SYT13: variants seen among roughly 807,000 people sequenced by gnomAD.
SYT13 encodes the protein synaptotagmin-13.
A neutral mutation model predicts 38.6 loss-of-function variants in SYT13; 21 were observed. The observed-to-expected ratio is 0.54, with a 90% CI of 0.39 to 0.78. The LOEUF (loss-of-function observed/expected upper bound fraction) is 0.78, where lower values mean the gene tolerates loss of function less well. SYT13 is among the 30% of genes least tolerant of loss of function. SYT13 has a pLI of 0.00. For missense variants in SYT13, 495 were observed against 548.7 expected, an observed-to-expected ratio of 0.90 and a Z score of 0.98; for synonymous variants, 241 against 237.6, an observed-to-expected ratio of 1.01 and a Z score of -0.13.
chr11:45,248,920 A>C (rs1854643453), intron 4 of SYT13, among the ~76,000 whole-genome samples: 1 of 152,248 alleles, frequency 6.6e-6, no homozygotes, highest in South Asian at 2.1e-4. Flanking sequence ...TGCAGACTAA[A>C]GTAATCCTTT....
intron 1 of SYT13, among the ~76,000 whole-genome samples, 197 bp from the exon 2 acceptor site, chr11:45,256,088 G>T (rs1254059854): frequency 6.6e-6 from 1 of 152,106 alleles, no homozygotes; most frequent in Non-Finnish European, 1.5e-5. Flanking sequence ...CCACTGAGAT[G>T]TGGGCCTTGT....
At position 45,244,166 on chromosome 11, in the gene SYT13, C is replaced by T. The variant is rs376356915; in HGVS notation, c.1167G>A (p.Ala389=). The change falls in exon 6 of 6, where the codon GCG becomes GCA. Residue 389 remains alanine, a synonymous_variant. Coordinates refer to ENST00000020926, the MANE Select transcript of SYT13 (RefSeq NM_020826.3). ...LGQDDSGQSC[A]LGHCSLGLHT... is the part of the protein sequence containing the mutation. Reference sequence around the variant, plus strand: ...GCAGGCCCAGGCTGCAGTGGCCAAGCGCACAGCTCTGCCCTGAATCGTCCT... The same window carrying T: ...GCAGGCCCAGGCTGCAGTGGCCAAGTGCACAGCTCTGCCCTGAATCGTCCT... 9.9e-6 allele frequency: 16 copies of T among 1,613,884 alleles called. No homozygotes were observed. The African/African-American group carries it at 1.1e-4, about 11-fold the overall frequency.
At position 45,244,055 on chromosome 11, in the gene SYT13, C is replaced by T. The variant is rs1165543570; in HGVS notation, c.1278G>A (p.Leu426=). The part of the protein sequence containing the change: ...RQIAMWHQLH[L] ...AGGGAGGCAGCTGGGCAGCTGGTTACAGGTGCAGCTGGTGCCACATGGCAA... is the reference window on the plus strand; with the variant it reads ...AGGGAGGCAGCTGGGCAGCTGGTTATAGGTGCAGCTGGTGCCACATGGCAA... Residue 426 remains leucine (L), a synonymous_variant, in exon 6 of 6, where the codon CTG becomes CTA. Coordinates refer to ENST00000020926, the MANE Select transcript of SYT13 (RefSeq NM_020826.3). 6.3e-7 allele frequency: 1 copy of T among 1,595,036 alleles called. No individual in the cohort carries two copies. The highest frequency in any genetic ancestry group is 1.7e-5 in the Admixed American group (1 of 59,718).
At chr11:45,270,874 A>G (rs537034287) in intron 1 of SYT13, among the ~76,000 whole-genome samples, 7 of 152,366 alleles carry the variant, frequency 4.6e-5, no homozygotes, top group African/African-American at 1.7e-4. Flanking sequence ...TGTTTTAACT[A>G]GATTCTCCTT....
intron 1 of SYT13, among the ~76,000 whole-genome samples, chr11:45,279,295 G>A (rs1033591884): frequency 4.6e-5 from 7 of 152,152 alleles, no homozygotes; most frequent in Non-Finnish European, 7.3e-5. Flanking sequence ...AATTAATATG[G>A]TTATGGCCAT....
intron 2 of SYT13, 104 bp downstream of exon 2, chr11:45,255,562 G>T: frequency 8.9e-7 from 1 of 1,127,530 alleles, no homozygotes; most frequent in Non-Finnish European, 1.3e-6. Flanking sequence ...TCAAATGCCG[G>T]GGCACTCGGC....
chr11:45,257,116 C>T (rs112832383), intron 1 of SYT13, among the ~76,000 whole-genome samples: 3 of 152,262 alleles, frequency 2.0e-5, no homozygotes, highest in African/African-American at 4.8e-5. Context: ...TAGGCTAGGC[C>T]CTTTTCGCTT....
intron 4 of SYT13, among the ~76,000 whole-genome samples, chr11:45,248,707 C>T (rs1854640577): frequency 6.6e-6 from 1 of 152,200 alleles, no homozygotes; most frequent in Non-Finnish European, 1.5e-5. Context: ...TATTAGAGGG[C>T]CACAGGTAGC....
intron 2 of SYT13, among the ~76,000 whole-genome samples, chr11:45,255,200 G>C (rs1854729473): frequency 6.6e-6 from 1 of 152,086 alleles, no homozygotes; most frequent in Non-Finnish European, 1.5e-5. Flanking sequence ...GCCAGGCTCT[G>C]AATTAAGCAT....
intron 1 of SYT13, among the ~76,000 whole-genome samples, chr11:45,261,587 A>G (rs1854816941): frequency 8.3e-6 from 1 of 120,806 alleles, no homozygotes; most frequent in Non-Finnish European, 1.8e-5. Context: ...GTAGAGCGAG[A>G]CTCCGTCTAA....
chr11:45,246,619 A>G, intron 4 of SYT13, 107 bp from the exon 5 acceptor site: 1 of 1,463,622 alleles, frequency 6.8e-7, no homozygotes, highest in Non-Finnish European at 9.1e-7. Flanking sequence ...TCCAACACGC[A>G]TCCTTGAAAC....
intron 1 of SYT13, among the ~76,000 whole-genome samples, chr11:45,265,898 T>C (rs1590522541): frequency 6.6e-6 from 1 of 152,252 alleles, no homozygotes; most frequent in South Asian, 2.1e-4. Flanking sequence ...TCATCAGTGG[T>C]AATAGACATC....
Position 45,240,351 on chromosome 11 carries a change from G to T in SYT13, c.*3701C>A, listed in dbSNP as rs938184025. The stretch of plus-strand genomic sequence containing the variant: ...CACTGCAAGGTTTTTGCTCCAAAGT[G>T]TCACACCAGACATATGACTACAATG... On this transcript the variant is annotated 3_prime_UTR_variant, in exon 6 of 6. Transcript: ENST00000020926. 2 of 152,648 alleles carry T rather than the reference G, an allele frequency of 1.3e-5. No individual in the cohort carries two copies. Among genetic ancestry groups the T allele is most frequent in the African/African-American group, 4.8e-5 (2 of 41,444 alleles). The allele number at this position is 152,648 out of a possible 1,614,324, so 9.5% of individuals were successfully genotyped here.
At chr11:45,278,997 C>T (rs1057253984) in intron 1 of SYT13, among the ~76,000 whole-genome samples, 3 of 152,186 alleles carry the variant, frequency 2.0e-5, no homozygotes, top group Admixed American at 6.5e-5. Flanking sequence ...GCAAAGCAAT[C>T]GAAAGCATTG....
intron 1 of SYT13, among the ~76,000 whole-genome samples, chr11:45,276,729 T>A (rs1002538303): frequency 2.7e-5 from 4 of 150,794 alleles, no homozygotes; most frequent in Admixed American, 6.6e-5. Context: ...AAAAAATAAA[T>A]AAAATAAATA....
chr11:45,258,223 A>G (rs1291844411), intron 1 of SYT13, among the ~76,000 whole-genome samples: 1 of 152,206 alleles, frequency 6.6e-6, no homozygotes, highest in Non-Finnish European at 1.5e-5. Flanking sequence ...TCCCCAGCAC[A>G]GCAGTCCCCA....
intron 1 of SYT13, among the ~76,000 whole-genome samples, chr11:45,272,187 G>A (rs573604415): frequency 6.6e-6 from 1 of 152,168 alleles, no homozygotes; most frequent in South Asian, 2.1e-4. Context: ...ACACACCAGG[G>A]TCTGTCAGGG....
intron 1 of SYT13, among the ~76,000 whole-genome samples, chr11:45,265,741 C>A (rs538722261): frequency 9.2e-5 from 14 of 152,264 alleles, no homozygotes; most frequent in African/African-American, 3.1e-4. Context: ...AATATCATAG[C>A]CTTTGGGGTG....
intron 1 of SYT13, among the ~76,000 whole-genome samples, chr11:45,265,987 A>G (rs1219525035): frequency 6.6e-6 from 1 of 152,186 alleles, no homozygotes; most frequent in Admixed American, 6.5e-5. Flanking sequence ...AGGGATACAT[A>G]TTTGTCAAAA....
Sources: allele counts gnomAD v4.1 joint callset (sites outside exome capture counted in the v4.1 genomes callset), GRCh38; gene constraint gnomAD v4.1.1; transcripts MANE v1.5; gene names NCBI Gene and HGNC (gene_info 2026-07-23, HGNC 2026-07-21).